Variants in CRTC1 observed in about 807,000 individuals in gnomAD.
CRTC1 encodes the protein CREB regulated transcription coactivator 1.
CRTC1 carries 18 observed loss-of-function variants against 66.1 expected under a neutral mutation model. That is an observed-to-expected ratio of 0.27 (90% CI 0.19 to 0.40). CRTC1 has a LOEUF of 0.40. Ranked by LOEUF, CRTC1 falls within the 10% of genes least tolerant of loss-of-function variation. The pLI is 1.00. For missense variants in CRTC1, 669 were observed against 887.9 expected (o/e 0.75, Z 3.13); for synonymous variants, 416 against 398.8 (o/e 1.04, Z -0.51).
intron 1 of CRTC1, among the ~76,000 whole-genome samples, chr19:18,695,737 C>T (rs1437862312): frequency 2.0e-5 from 3 of 152,054 alleles, no homozygotes; most frequent in Admixed American, 1.3e-4. Flanking sequence ...TGGTGGTGGG[C>T]GCCTGTGGTC....
At chr19:18,700,108 G>A (rs1600775972) in intron 1 of CRTC1, among the ~76,000 whole-genome samples, 1 of 152,214 alleles carries the variant, frequency 6.6e-6, no homozygotes, top group African/African-American at 2.4e-5. Flanking sequence ...ACTGGGGAAC[G>A]TCACCACTAT....
chr19:18,706,398 G>GA (rs2053267614), intron 1 of CRTC1, among the ~76,000 whole-genome samples: 1 of 151,294 alleles, frequency 6.6e-6, no homozygotes, highest in African/African-American at 2.4e-5. Context: ...TAGAGATGGG[G>GA]TTTCACCATG....
chr19:18,737,448 G>A (rs1055698270), intron 1 of CRTC1, among the ~76,000 whole-genome samples: 1 of 152,080 alleles, frequency 6.6e-6, no homozygotes, highest in African/African-American at 2.4e-5. Context: ...GGGGCCATGT[G>A]ACTTCAGTCA....
chr19:18,714,374 C>T (rs2053459826), intron 1 of CRTC1, among the ~76,000 whole-genome samples: 1 of 151,948 alleles, frequency 6.6e-6, no homozygotes, highest in Non-Finnish European at 1.5e-5. Context: ...GTGGTGTGAT[C>T]TTGGCTCACT....
chr19:18,699,182 A>C (rs946201311), intron 1 of CRTC1, among the ~76,000 whole-genome samples: 20 of 152,172 alleles, frequency 1.3e-4, no homozygotes, highest in Non-Finnish European at 2.9e-4. Flanking sequence ...ATCTCATAGA[A>C]GCAGGTGCTC....
At chr19:18,759,945 C>CAG (rs2145805691) in intron 7 of CRTC1, 63 bp from the exon 8 acceptor site, 1 of 1,322,612 alleles carries the variant, frequency 7.6e-7, no homozygotes. Context: ...CGCCAGCCCC[C>CAG]TGTCCCCGCC....
intron 1 of CRTC1, among the ~76,000 whole-genome samples, chr19:18,726,929 G>GGAAA (rs1213292084): frequency 8.9e-6 from 1 of 111,908 alleles, no homozygotes; most frequent in Non-Finnish European, 1.7e-5. Flanking sequence ...CCGTCTTGGG[G>GGAAA]AAAAAAAAAA....
chr19:18,691,143 A>G (rs1451491887), intron 1 of CRTC1, among the ~76,000 whole-genome samples: 2 of 150,580 alleles, frequency 1.3e-5, no homozygotes, highest in Non-Finnish European at 1.5e-5. Context: ...TTGAGGTTAC[A>G]GTGAATTATA....
At chr19:18,701,406 C>T (rs2053136803) in intron 1 of CRTC1, among the ~76,000 whole-genome samples, 1 of 152,240 alleles carries the variant, frequency 6.6e-6, no homozygotes, top group Admixed American at 6.5e-5. Context: ...GGTGGGTGCA[C>T]ACCTTGAAAG....
At chr19:18,767,664 A>C (rs960520311) in intron 9 of CRTC1, among the ~76,000 whole-genome samples, 2 of 152,212 alleles carry the variant, frequency 1.3e-5, no homozygotes, top group Non-Finnish European at 2.9e-5. Flanking sequence ...ATCAAGATCC[A>C]GACAGAGCTG....
At chr19:18,706,877 G>A (rs1049093867) in intron 1 of CRTC1, among the ~76,000 whole-genome samples, 1 of 151,844 alleles carries the variant, frequency 6.6e-6, no homozygotes, top group Non-Finnish European at 1.5e-5. Context: ...TTTTAAATTG[G>A]GTTGTTTTTC....
chr19:18,749,698 C>G, intron 4 of CRTC1, 83 bp from the exon 5 acceptor site: 3 of 1,136,438 alleles, frequency 2.6e-6, no homozygotes, highest in Non-Finnish European at 2.7e-6. Flanking sequence ...CCCTGTCCAT[C>G]CAGCGTGTCC....
At chr19:18,743,296 G>C (rs1315910688) in intron 2 of CRTC1, among the ~76,000 whole-genome samples, 4 of 152,262 alleles carry the variant, frequency 2.6e-5, no homozygotes, top group African/African-American at 9.6e-5. Context: ...TTGGCCGGCT[G>C]TGCGGCAGCG....
intron 11 of CRTC1, among the ~76,000 whole-genome samples, chr19:18,773,801 G>A (rs114653297): frequency 0.013 from 2,053 of 152,224 alleles, 47 homozygotes; most frequent in African/African-American, 0.046. Context: ...CAGGGTGAGC[G>A]TGTCTGTCTC....
At chr19:18,765,649 A>C in intron 9 of CRTC1, 121 bp downstream of exon 9, 1 of 954,036 alleles carries the variant, frequency 1.0e-6, no homozygotes, top group South Asian at 1.9e-5. Flanking sequence ...AATGCTCCCA[A>C]CACTTTTAGT....
chr19:18,775,911 G>T, intron 13 of CRTC1, 90 bp downstream of exon 13: 1 of 1,359,928 alleles, frequency 7.4e-7, no homozygotes, highest in Non-Finnish European at 9.9e-7. Flanking sequence ...GCAGCAGGAG[G>T]GTTGACAGGG....
chr19:18,725,680 T>C (rs530301081), intron 1 of CRTC1, among the ~76,000 whole-genome samples: 1 of 152,310 alleles, frequency 6.6e-6, no homozygotes, highest in Non-Finnish European at 1.5e-5. Context: ...TTCCTGAGCC[T>C]CCCACCTCTC....
intron 1 of CRTC1, among the ~76,000 whole-genome samples, chr19:18,686,687 G>A (rs2052691157): frequency 6.6e-6 from 1 of 152,218 alleles, no homozygotes; most frequent in Non-Finnish European, 1.5e-5. Flanking sequence ...TATGCAGGTG[G>A]CAGTTCTTTC....
At chr19:18,732,669 G>A (rs951377698) in intron 1 of CRTC1, among the ~76,000 whole-genome samples, 1 of 152,134 alleles carries the variant, frequency 6.6e-6, no homozygotes, top group Non-Finnish European at 1.5e-5. Context: ...CAAGGGCTTC[G>A]TGGGTGCAGA....
Sources: allele counts gnomAD v4.1 joint callset (sites outside exome capture counted in the v4.1 genomes callset), GRCh38; gene constraint gnomAD v4.1.1; transcripts MANE v1.5; gene names NCBI Gene and HGNC (gene_info 2026-07-23, HGNC 2026-07-21).